The following APC variants were observed in gnomAD, a reference collection of about 807,000 sequenced individuals.
The protein encoded by APC is adenomatous polyposis coli protein.
A neutral mutation model predicts 247.0 loss-of-function variants in APC; 72 were observed. The observed-to-expected ratio is 0.29, with a 90% CI of 0.24 to 0.35. The LOEUF (loss-of-function observed/expected upper bound fraction) is 0.35. Ranked by LOEUF, APC falls within the 10% of genes least tolerant of loss-of-function variation. APC has a pLI of 1.00. For missense variants in APC, 3,400 were observed against 3,360.7 expected, an observed-to-expected ratio of 1.01 and a Z score of -0.29; for synonymous variants, 1,254 against 1,162.5, an observed-to-expected ratio of 1.08 and a Z score of -1.60.
intron 1 of APC, among the ~76,000 whole-genome samples, chr5:112,751,123 C>T (rs1314298554): frequency 1.3e-5 from 2 of 152,004 alleles, no homozygotes; most frequent in Non-Finnish European, 2.9e-5. Context: ...TTTGGACTTA[C>T]AGAAGAGTTG....
chr5:112,707,942 G>C (rs2149631886), intron 1 of APC: 1 of 1,310,220 alleles, frequency 7.6e-7, no homozygotes, highest in Non-Finnish European at 9.9e-7. Flanking sequence ...GCTTTGCCCC[G>C]CCGCTGCTCG....
intron 1 of APC, among the ~76,000 whole-genome samples, chr5:112,717,618 C>T (rs941642350): frequency 2.2e-4 from 34 of 152,172 alleles, no homozygotes; most frequent in African/African-American, 7.2e-4. Flanking sequence ...ATTGAGACCT[C>T]AACTCTTTGT....
In APC at chr5:112,841,015, C is replaced by T. The variant is rs753501921; in HGVS notation, c.5421C>T (p.Asp1807=). Reference sequence around the variant, plus strand: ...TAAATGCTGAGAGAGTTTTCTCAGACAACAAAGATTCAAAGAAACAGAATT... The same window carrying T: ...TAAATGCTGAGAGAGTTTTCTCAGATAACAAAGATTCAAAGAAACAGAATT... ...NNLNAERVFS[D]NKDSKKQNLK... Residue 1807 remains aspartate, a synonymous_variant, in exon 16 of 16, where the codon GAC becomes GAT. Coordinates refer to ENST00000257430, the MANE Select transcript of APC (RefSeq NM_000038.6). The surrounding 1 kb of genome is among the most constrained non-coding windows in gnomAD (Gnocchi z 4.6). 15 of 1,610,228 alleles carry T rather than the reference C, an allele frequency of 9.3e-6. No individual in the cohort carries two copies. In the South Asian group the frequency reaches 1.4e-4, roughly 15 times the overall value.
rs757420538 is a variant in APC, at chr5:112,843,759, T to A, written c.8165T>A (p.Leu2722Gln). Reference protein sequence around the residue: ...PMRTVGLENRLNSFIQVDAPD... With the variant: ...PMRTVGLENRQNSFIQVDAPD... ...CGTACCGTGGGTTTGGAAAATCGCC[T>A]GAACTCCTTTATTCAGGTGGATGCC... Residue 2722 changes from leucine to glutamine, a missense_variant, in exon 16 of 16, where the codon CTG becomes CAG. Physicochemically the swap from Leu to Gln is moderately radical, Grantham distance 113. This residue lies in a region of APC where 1,788 missense variants were observed against 1,649.5 expected (regional missense o/e 1.08). Coordinates refer to ENST00000257430, the MANE Select transcript of APC (RefSeq NM_000038.6). This position sits in a 1 kb window ranked among gnomAD's most constrained non-coding sequence, Gnocchi z 4.8. 2 of 1,614,086 alleles carry A rather than the reference T, an allele frequency of 1.2e-6. No individual in the cohort carries two copies. The highest frequency in any genetic ancestry group is 4.5e-5 in the East Asian group (2 of 44,882).
chr5:112,737,105 T>C (rs559826788), upstream of APC, among the ~76,000 whole-genome samples: 1 of 152,326 alleles, frequency 6.6e-6, no homozygotes, highest in South Asian at 2.1e-4. Context: ...CAATGTAGAA[T>C]TTGCATTAAA....
Position 112,838,208 on chromosome 5 carries a change from A to G in APC, c.2614A>G (p.Thr872Ala), listed in dbSNP as rs1060503294. 1 of 1,613,872 alleles carries G rather than the reference A, an allele frequency of 6.2e-7. No individual in the cohort carries two copies. The highest frequency in any genetic ancestry group is 8.5e-7 in the Non-Finnish European group (1 of 1,179,938). The change falls in exon 16 of 16, where the codon ACT (threonine) becomes GCT (alanine). Residue 872 changes from threonine to alanine, a missense_variant. By Grantham distance (58) the Thr-to-Ala change is moderately conservative. Coordinates refer to ENST00000257430, the MANE Select transcript of APC (RefSeq NM_000038.6). ...NYHPATENPG[T>A]SSKRGLQIST... ...CCATCCAGCAACAGAAAATCCAGGA[A>G]CTTCTTCAAAGCGAGGTTTGCAGAT...
rs148878262 is a variant in APC at position 112,842,467 on chromosome 5, A to T, written c.6873A>T (p.Gln2291His). ...ELSPVARQTS[Q>H]IGGSSKAPSR... ...GCCCTGTTGCCAGGCAGACATCCCA[A>T]ATAGGTGGGTCAAGTAAAGCACCTT... is the stretch of plus-strand genomic sequence containing the variant. The change falls in exon 16 of 16, where the codon CAA becomes CAT. Residue 2291 changes from glutamine (Q) to histidine (H), a missense_variant. Gln to His is a conservative substitution (Grantham distance 24, BLOSUM62 0). Transcript: ENST00000257430. 374 of 1,613,966 alleles carry T rather than the reference A, an allele frequency of 2.3e-4. No homozygotes were observed. The highest frequency in any genetic ancestry group is 3.0e-4 in the Non-Finnish European group (355 of 1,179,916).
intron 7 of APC, among the ~76,000 whole-genome samples, chr5:112,796,709 A>C (rs1170557839): frequency 6.6e-6 from 1 of 151,892 alleles, no homozygotes; most frequent in East Asian, 1.9e-4. Context: ...TTGGCTTTCT[A>C]CTGAAGTTTT....
chr5:112,821,789 G>A (rs757675471), intron 10 of APC, 107 bp from the exon 11 acceptor site: 87 of 842,150 alleles, frequency 1.0e-4, no homozygotes, highest in Middle Eastern at 2.9e-4. Context: ...CTAAAATTCC[G>A]TGAATTAGGG....
chr5:112,828,996 T>C (rs369730370), intron 14 of APC, 24 bp downstream of exon 14: 2 of 1,518,506 alleles, frequency 1.3e-6, no homozygotes, highest in East Asian at 2.3e-5. Context: ...CATTTAGTAC[T>C]ATAATATGAA....
Position 112,725,032 on chromosome 5 carries a change from G to A in APC, c.165+17150G>A, listed in dbSNP as rs538589091. Among the ~76,000 whole-genome samples the A allele has an allele frequency of 7.8e-4, 119 of 152,104 alleles. 1 individual carries two copies. Among genetic ancestry groups the A allele is most frequent in the African/African-American group, 2.8e-3 (115 of 41,482 alleles). The stretch of plus-strand genomic sequence containing the variant: ...AGAGCTTGCTCTGTCACCCCAGGCT[G>A]AAGTGCAGTGGCACAGTCTTGGCTC... On this transcript the variant is annotated intron_variant, in intron 1 of 13. Coordinates refer to the APC transcript ENST00000507379.
chr5:112,825,686 T>C (rs934676642), intron 11 of APC, among the ~76,000 whole-genome samples: 6 of 152,220 alleles, frequency 3.9e-5, no homozygotes, highest in Admixed American at 3.3e-4. Context: ...ACCCTGTCTC[T>C]ACCAAAATAA....
intron 1 of APC, among the ~76,000 whole-genome samples, chr5:112,739,771 A>G (rs1397378912): frequency 6.6e-6 from 1 of 152,386 alleles, no homozygotes; most frequent in East Asian, 1.9e-4. Flanking sequence ...AAGATGTCAC[A>G]TTAAAATTCC....
In APC at chr5:112,828,929, G is replaced by C. The variant is rs1366698322; in HGVS notation, c.1700G>C (p.Gly567Ala). Residue 567 changes from glycine (G) to alanine (A), a missense_variant, in exon 14 of 16, where the codon GGA (glycine) becomes GCA (alanine). Gly to Ala is a moderately conservative substitution (Grantham distance 60, BLOSUM62 0). This residue lies in a region of APC where 184 missense variants were observed against 248.0 expected (regional missense o/e 0.74). Coordinates refer to ENST00000257430, the MANE Select transcript of APC (RefSeq NM_000038.6). The stretch of plus-strand genomic sequence containing the variant: ...AGTAAAAAGACGTTGCGAGAAGTTG[G>C]AAGTGTGAAAGCATTGATGGAATGT... ...VNSKKTLREV[G>A]SVKALMECAL... 2 of 1,613,928 alleles carry C rather than the reference G, an allele frequency of 1.2e-6. No individual in the cohort carries two copies. The highest frequency in any genetic ancestry group is 1.7e-6 in the Non-Finnish European group (2 of 1,179,876).
At chr5:112,748,712 G>A (rs375569454) in intron 1 of APC, among the ~76,000 whole-genome samples, 36 of 152,108 alleles carry the variant, frequency 2.4e-4, no homozygotes, top group African/African-American at 6.7e-4. Flanking sequence ...CCAGCTACTC[G>A]GGAGGCTGAG....
At chr5:112,754,265 T>A (rs1159750333) in intron 1 of APC, among the ~76,000 whole-genome samples, 1 of 152,234 alleles carries the variant, frequency 6.6e-6, no homozygotes, top group Non-Finnish European at 1.5e-5. Context: ...TTTACCATCT[T>A]CCTATCAAAA....
chr5:112,819,432 T>G (rs1053772961), intron 10 of APC, 88 bp downstream of exon 10: 1 of 1,517,782 alleles, frequency 6.6e-7, no homozygotes, highest in African/African-American at 1.4e-5. Context: ...TAATATGCTG[T>G]CTTTATGACT....
At chr5:112,783,146 A>G (rs542208790) in intron 6 of APC, among the ~76,000 whole-genome samples, 124 of 152,284 alleles carry the variant, frequency 8.1e-4, no homozygotes, top group African/African-American at 2.8e-3. Flanking sequence ...TGGTAGTTGT[A>G]AAAATTCTTG....
intron 2 of APC, among the ~76,000 whole-genome samples, chr5:112,761,088 T>C (rs1755610355): frequency 6.6e-6 from 1 of 152,102 alleles, no homozygotes; most frequent in South Asian, 2.1e-4. Flanking sequence ...AGATTACAGG[T>C]GTGAGCCACC....
Sources: gnomAD v4.1 joint callset for allele counts (sites outside exome capture counted in the v4.1 genomes callset) on GRCh38, gnomAD v4.1.1 for gene constraint, gnomAD v4.1.1 regional missense constraint, Gnocchi (gnomAD v3.1) non-coding constraint, MANE v1.5 for transcripts, NCBI Gene and HGNC (gene_info 2026-07-23, HGNC 2026-07-21) for gene names.